The following CTNND2 variants were observed in gnomAD, a reference collection of about 807,000 sequenced individuals.
The protein encoded by CTNND2 is catenin delta 2, also known as catenin delta-2.
In CTNND2, 22 loss-of-function variants were observed where a neutral mutation model predicts 144.4. That is an observed-to-expected ratio of 0.15 (90% CI 0.11 to 0.22). The LOEUF is 0.22. CTNND2 is among the 10% of genes least tolerant of loss of function. CTNND2 has a pLI of 1.00. For missense variants in CTNND2, 1,353 were observed against 1,618.8 expected (o/e 0.84, Z 2.82); for synonymous variants, 751 against 695.6 (o/e 1.08, Z -1.25).
intron 1 of CTNND2, among the ~76,000 whole-genome samples, chr5:11,742,196 T>C (rs1460015720): frequency 2.0e-5 from 3 of 152,158 alleles, no homozygotes; most frequent in South Asian, 2.1e-4. Flanking sequence ...CCAAAACTTA[T>C]GGAGGAAAAA....
intron 3 of CTNND2, among the ~76,000 whole-genome samples, chr5:11,454,281 G>A (rs893207826): frequency 5.3e-5 from 8 of 152,082 alleles, no homozygotes; most frequent in Non-Finnish European, 7.4e-5. Context: ...TTAGCTGGGC[G>A]TGGTGGTGTG....
intron 2 of CTNND2, among the ~76,000 whole-genome samples, chr5:11,691,697 G>C (rs963071846): frequency 1.3e-5 from 2 of 152,114 alleles, no homozygotes; most frequent in African/African-American, 4.8e-5. Context: ...TTCAGCTCAG[G>C]AGTTTAAGAC....
intron 1 of CTNND2, among the ~76,000 whole-genome samples, chr5:11,843,782 A>G (rs1250546152): frequency 6.6e-6 from 1 of 152,168 alleles, no homozygotes; most frequent in African/African-American, 2.4e-5. Context: ...CTTTGACTCT[A>G]TTTGGATCAA....
intron 8 of CTNND2, among the ~76,000 whole-genome samples, chr5:11,352,869 G>C (rs149777374): frequency 0.013 from 2,038 of 151,636 alleles, 37 homozygotes; most frequent in African/African-American, 0.048. Flanking sequence ...TCTAGAACTT[G>C]GTATAAAAAT....
At chr5:10,999,001 T>A (rs1172483341) in intron 18 of CTNND2, among the ~76,000 whole-genome samples, 1 of 152,186 alleles carries the variant, frequency 6.6e-6, no homozygotes, top group African/African-American at 2.4e-5. Context: ...CACTAGATGC[T>A]AGAGGCTAGG....
intron 11 of CTNND2, among the ~76,000 whole-genome samples, chr5:11,188,993 C>T (rs1468312634): frequency 6.6e-6 from 1 of 152,150 alleles, no homozygotes; most frequent in Non-Finnish European, 1.5e-5. Context: ...ATTTATTTGT[C>T]TCAGTTTATT....
chr5:11,817,542 C>T (rs1279493859), intron 1 of CTNND2, among the ~76,000 whole-genome samples: 3 of 149,248 alleles, frequency 2.0e-5, no homozygotes, highest in African/African-American at 5.0e-5. Context: ...GTCAGGCCAA[C>T]GGGAGGGAAG....
chr5:11,593,361 G>T (rs535760754), intron 2 of CTNND2, among the ~76,000 whole-genome samples: 1 of 152,256 alleles, frequency 6.6e-6, no homozygotes, highest in African/African-American at 2.4e-5. Context: ...GACATTAATA[G>T]GCAACCCAAT....
At chr5:11,442,821 T>C (rs1489834602) in intron 3 of CTNND2, among the ~76,000 whole-genome samples, 1 of 132,078 alleles carries the variant, frequency 7.6e-6, no homozygotes, top group Admixed American at 7.6e-5. Context: ...ATATAATATA[T>C]AATGATTATA....
intron 1 of CTNND2, among the ~76,000 whole-genome samples, chr5:11,818,676 G>A (rs1458865839): frequency 6.6e-6 from 1 of 152,070 alleles, no homozygotes; most frequent in Non-Finnish European, 1.5e-5. Flanking sequence ...CCCTGTATGT[G>A]CATTCTTAAC....
chr5:11,627,950 C>A (rs1378704449), intron 2 of CTNND2, among the ~76,000 whole-genome samples: 1 of 151,740 alleles, frequency 6.6e-6, no homozygotes, highest in Admixed American at 6.6e-5. Flanking sequence ...TTATAAGAAT[C>A]CCTTGCTGCA....
intron 1 of CTNND2, among the ~76,000 whole-genome samples, chr5:11,834,972 CTACAAAAAA>C (rs1794094727): frequency 6.6e-6 from 1 of 151,714 alleles, no homozygotes; most frequent in African/African-American, 2.4e-5. Flanking sequence ...AATCCCATCT[CTACAAAAAA>C]TACAAAAATC....
At chr5:11,811,480 T>A (rs1041301124) in intron 1 of CTNND2, among the ~76,000 whole-genome samples, 17 of 152,138 alleles carry the variant, frequency 1.1e-4, no homozygotes, top group Non-Finnish European at 8.8e-5. Context: ...ATAAATCCAA[T>A]AGGCTAGTAT....
intron 3 of CTNND2, among the ~76,000 whole-genome samples, chr5:11,544,678 G>C (rs1023161329): frequency 1.3e-5 from 2 of 152,192 alleles, no homozygotes; most frequent in African/African-American, 4.8e-5. Context: ...TAGCAAATCA[G>C]CAATTAAAAG....
intron 21 of CTNND2, among the ~76,000 whole-genome samples, chr5:10,975,027 C>T (rs1357804209): frequency 1.3e-5 from 2 of 152,144 alleles, no homozygotes; most frequent in African/African-American, 2.4e-5. Context: ...TGTCTACCTA[C>T]AGAAGTCCAA....
intron 3 of CTNND2, among the ~76,000 whole-genome samples, chr5:11,524,306 G>A (rs528589353): frequency 6.6e-6 from 1 of 152,258 alleles, no homozygotes; most frequent in East Asian, 1.9e-4. Context: ...GACTTATGAC[G>A]CCCTGACTCA....
chr5:11,131,368 G>A (rs1755574531), intron 12 of CTNND2, among the ~76,000 whole-genome samples: 1 of 152,148 alleles, frequency 6.6e-6, no homozygotes, highest in Non-Finnish European at 1.5e-5. Context: ...TAAGAAGTAG[G>A]GGAACAGAAC....
intron 18 of CTNND2, among the ~76,000 whole-genome samples, chr5:11,003,561 A>G (rs1386236128): frequency 6.6e-6 from 1 of 152,250 alleles, no homozygotes; most frequent in Non-Finnish European, 1.5e-5. Flanking sequence ...ATTAAATACA[A>G]TAAACTGAAG....
chr5:11,056,647 T>C (rs1277259108), intron 16 of CTNND2, among the ~76,000 whole-genome samples: 1 of 152,190 alleles, frequency 6.6e-6, no homozygotes, highest in Non-Finnish European at 1.5e-5. Context: ...CATGGGCTCA[T>C]TGCACAATCT....
Sources: gnomAD v4.1 joint callset for allele counts (sites outside exome capture counted in the v4.1 genomes callset) on GRCh38, gnomAD v4.1.1 for gene constraint, MANE v1.5 for transcripts, NCBI Gene and HGNC (gene_info 2026-07-23, HGNC 2026-07-21) for gene names.